The following ABCC4 variants were observed in gnomAD, a reference collection of about 807,000 sequenced individuals.
ABCC4 encodes ATP binding cassette subfamily C member 4 (PEL blood group), also known as ATP-binding cassette sub-family C member 4.
ABCC4 carries 102 observed loss-of-function variants against 168.5 expected under a neutral mutation model. That is an observed-to-expected ratio of 0.61 (90% CI 0.52 to 0.71). The LOEUF (loss-of-function observed/expected upper bound fraction) is 0.71. Among genes scored for constraint, ABCC4 ranks in the 30% least tolerant of loss-of-function variants. The pLI is 0.00. For synonymous variants in ABCC4, 617 were observed against 590.7 expected (o/e 1.04, Z -0.65); for missense variants, 1,402 against 1,605.8 (o/e 0.87, Z 2.17).
intron 25 of ABCC4, among the ~76,000 whole-genome samples, chr13:95,066,944 G>A (rs2033569289): frequency 6.6e-6 from 1 of 152,220 alleles, no homozygotes; most frequent in African/African-American, 2.4e-5. Context: ...AGGACAAGAA[G>A]CTGACTACTG....
chr13:95,142,229 C>T (rs913794060), intron 19 of ABCC4, among the ~76,000 whole-genome samples: 26 of 152,236 alleles, frequency 1.7e-4, no homozygotes, highest in South Asian at 4.1e-4. Context: ...AATATAGATA[C>T]GACAGAATAC....
rs573299625 is a variant in ABCC4, at chr13:95,116,238, G to T, written c.2456-237C>A. 3.0e-4 allele frequency among the ~76,000 whole-genome samples: 46 copies of T among 152,252 alleles called. 1 individual carries two copies. In the South Asian group the frequency reaches 6.4e-3, roughly 21 times the overall value. On this transcript the variant is annotated intron_variant, in intron 19 of 30. Coordinates refer to ENST00000645237, the MANE Select transcript of ABCC4 (RefSeq NM_005845.5). ...TTGAAATGTGGCCCTGATTTTAAAA[G>T]AATTAAGGGAAAAAAATCTTGTGAC... is the stretch of plus-strand genomic sequence containing the variant.
At chr13:95,166,036 C>G in intron 15 of ABCC4, 122 bp downstream of exon 15, 5 of 934,904 alleles carry the variant, frequency 5.3e-6, no homozygotes, top group Non-Finnish European at 4.9e-6. Context: ...GGAATAGAGC[C>G]CTGAAACCAC....
chr13:95,264,407 T>C (rs912569920), intron 1 of ABCC4, among the ~76,000 whole-genome samples: 1 of 152,158 alleles, frequency 6.6e-6, no homozygotes, highest in Non-Finnish European at 1.5e-5. Flanking sequence ...GCATAAAGTA[T>C]TGCATAATCA....
intron 19 of ABCC4, among the ~76,000 whole-genome samples, chr13:95,141,662 T>G (rs2036323496): frequency 6.6e-6 from 1 of 152,198 alleles, no homozygotes; most frequent in Non-Finnish European, 1.5e-5. Context: ...AATACCATAG[T>G]TATTCTACTT....
intron 13 of ABCC4, among the ~76,000 whole-genome samples, chr13:95,171,316 A>G (rs577796421): frequency 2.0e-5 from 3 of 152,064 alleles, no homozygotes; most frequent in African/African-American, 7.2e-5. Context: ...TCAACCATCA[A>G]GTTTTCTGAC....
rs55667930 is a variant in ABCC4, at chr13:95,300,000, C to G, written c.74+1241G>C. On this transcript the variant is annotated intron_variant, in intron 1 of 30. Transcript: ENST00000645237. ...GGGATTACAGGCGTGCTCCACCACA[C>G]CCGGCTAATTTTTGTATTTTTAGTA... Among the ~76,000 whole-genome samples the G allele has an allele frequency of 6.6e-3, 1,005 of 152,290 alleles. 3 individuals carry two copies. Among genetic ancestry groups the G allele is most frequent in the Non-Finnish European group, 0.012 (789 of 68,018 alleles).
chr13:95,199,556 G>A lies in ABCC4; in HGVS notation c.1162-4619C>T, dbSNP rs143965540. On this transcript the variant is annotated intron_variant, in intron 8 of 30. Transcript: ENST00000645237. ...CAGGTGATTTTGCAGCCATAAGGAC[G>A]AAAGTAGCCCTGATCCCTCCTTCTG... Among the ~76,000 whole-genome samples the A allele has an allele frequency of 3.0e-3, 457 of 152,220 alleles. 5 individuals are homozygous for A. The highest frequency in any genetic ancestry group is 0.01 in the African/African-American group (435 of 41,522).
chr13:95,024,193 T>G, intron 30 of ABCC4, among the ~76,000 whole-genome samples: 1 of 124,410 alleles, frequency 8.0e-6, no homozygotes, highest in African/African-American at 3.2e-5. Flanking sequence ...GGTGACAGAG[T>G]GAGAGACTGT....
intron 6 of ABCC4, among the ~76,000 whole-genome samples, chr13:95,208,468 A>G (rs1251717741): frequency 6.6e-6 from 1 of 152,116 alleles, no homozygotes; most frequent in African/African-American, 2.4e-5. Flanking sequence ...GCATAAAACA[A>G]AGAACTCAAT....
chr13:95,241,320 G>A (rs1466765743), intron 3 of ABCC4, among the ~76,000 whole-genome samples: 2 of 150,780 alleles, frequency 1.3e-5, no homozygotes, highest in Non-Finnish European at 3.0e-5. Flanking sequence ...AGCCGAGATC[G>A]TGCCACTGCA....
At chr13:95,148,175 T>C (rs1289064908) in intron 19 of ABCC4, among the ~76,000 whole-genome samples, 1 of 152,190 alleles carries the variant, frequency 6.6e-6, no homozygotes, top group Non-Finnish European at 1.5e-5. Flanking sequence ...TTTTAGCTGT[T>C]AGGTACCATA....
At chr13:95,254,765 C>G (rs2040353148) in intron 1 of ABCC4, among the ~76,000 whole-genome samples, 1 of 152,068 alleles carries the variant, frequency 6.6e-6, no homozygotes, top group African/African-American at 2.4e-5. Context: ...CTTAAATTTT[C>G]TACTCAGCAC....
chr13:95,127,043 T>G (rs1157347443), intron 19 of ABCC4, among the ~76,000 whole-genome samples: 2 of 151,832 alleles, frequency 1.3e-5, no homozygotes, highest in South Asian at 4.2e-4. Flanking sequence ...AAGATACACA[T>G]TACCTCTTAG....
chr13:95,286,678 C>T (rs976442104), intron 1 of ABCC4, among the ~76,000 whole-genome samples: 20 of 151,870 alleles, frequency 1.3e-4, no homozygotes, highest in Admixed American at 1.1e-3. Flanking sequence ...TGTATAAGGC[C>T]GGGCGCGGAG....
intron 9 of ABCC4, among the ~76,000 whole-genome samples, chr13:95,191,496 A>C (rs143206707): frequency 6.6e-6 from 1 of 152,230 alleles, no homozygotes; most frequent in Non-Finnish European, 1.5e-5. Flanking sequence ...AAAGTAATAC[A>C]TTACCTAAAC....
intron 8 of ABCC4, 83 bp from the exon 9 acceptor site, chr13:95,195,020 T>C (rs912801947): frequency 2.7e-5 from 32 of 1,201,358 alleles, no homozygotes; most frequent in Non-Finnish European, 3.5e-5. Flanking sequence ...ATGGAATTTG[T>C]AACATAAAAC....
Position 95,193,542 on chromosome 13 carries a change from G to A in ABCC4, c.1263+1294C>T, listed in dbSNP as rs147959590. Among the ~76,000 whole-genome samples the A allele has an allele frequency of 3.3e-3, 495 of 152,264 alleles. 5 individuals carry two copies. Among genetic ancestry groups the A allele is most frequent in the African/African-American group, 0.011 (473 of 41,558 alleles). On this transcript the variant is annotated intron_variant, in intron 9 of 30. Coordinates refer to ENST00000645237, the MANE Select transcript of ABCC4 (RefSeq NM_005845.5). ...CTCTTTCTTTCATCACCTATGAAACGAATTCCCTGCACAAAATTCCCTCTC... is the reference window on the plus strand; with the variant it reads ...CTCTTTCTTTCATCACCTATGAAACAAATTCCCTGCACAAAATTCCCTCTC...
chr13:95,234,158 T>C (rs2039697477), intron 4 of ABCC4, among the ~76,000 whole-genome samples: 1 of 152,240 alleles, frequency 6.6e-6, no homozygotes, highest in Non-Finnish European at 1.5e-5. Flanking sequence ...TGAAGTTCAC[T>C]TCTGAATACA....
Sources: gnomAD v4.1 joint callset for allele counts (sites outside exome capture counted in the v4.1 genomes callset) on GRCh38, gnomAD v4.1.1 for gene constraint, MANE v1.5 for transcripts, NCBI Gene and HGNC (gene_info 2026-07-23, HGNC 2026-07-21) for gene names.